Variants in PTPRO observed in about 807,000 individuals in gnomAD.
PTPRO encodes the protein receptor-type tyrosine-protein phosphatase O.
In PTPRO, 62 loss-of-function variants were observed where a neutral mutation model predicts 145.2. The ratio of observed to expected loss-of-function variants is 0.43; its 90% CI spans 0.35 to 0.53. The LOEUF (loss-of-function observed/expected upper bound fraction) is 0.53. Among genes scored for constraint, PTPRO ranks in the 20% least tolerant of loss-of-function variants. The pLI is 0.01. For synonymous variants in PTPRO, 565 were observed against 514.7 expected (o/e 1.10, Z -1.32); for missense variants, 1,345 against 1,482.7 (o/e 0.91, Z 1.53).
At chr12:15,464,731 T>G (rs983641288) in intron 1 of PTPRO, among the ~76,000 whole-genome samples, 2 of 152,044 alleles carry the variant, frequency 1.3e-5, no homozygotes, top group Non-Finnish European at 2.9e-5. Flanking sequence ...TTGTAACCTG[T>G]GTGGATTATT....
rs144034258 is a variant in PTPRO at position 15,563,137 on chromosome 12, G to A, written c.2712-2456G>A. Among the ~76,000 whole-genome samples the A allele has an allele frequency of 6.5e-3, 990 of 152,168 alleles. 14 individuals are homozygous for A. Among genetic ancestry groups the A allele is most frequent in the Non-Finnish European group, 8.8e-3 (598 of 67,984 alleles). On this transcript the variant is annotated intron_variant, in intron 17 of 26. Coordinates refer to ENST00000281171, the MANE Select transcript of PTPRO (RefSeq NM_030667.3). Reference sequence around the variant, plus strand: ...GCAGAATGTATCTTAACTTTTTGAAGTCATTAGGATTTTGAACCTTACCTA... The same window carrying A: ...GCAGAATGTATCTTAACTTTTTGAAATCATTAGGATTTTGAACCTTACCTA...
intron 1 of PTPRO, among the ~76,000 whole-genome samples, chr12:15,361,630 T>C (rs1300156543): frequency 6.6e-6 from 1 of 152,128 alleles, no homozygotes; most frequent in Non-Finnish European, 1.5e-5. Flanking sequence ...ACCAAGTGCT[T>C]ACTACATTCA....
chr12:15,329,051 C>T (rs780392546), intron 1 of PTPRO, among the ~76,000 whole-genome samples: 6 of 152,074 alleles, frequency 3.9e-5, no homozygotes, highest in Non-Finnish European at 7.3e-5. Flanking sequence ...TTTTATTTTC[C>T]TCTTTCTGCC....
At chr12:15,433,262 G>C (rs1248636337) in intron 1 of PTPRO, among the ~76,000 whole-genome samples, 1 of 147,112 alleles carries the variant, frequency 6.8e-6, no homozygotes, top group South Asian at 2.2e-4. Context: ...TGCAACCTCT[G>C]CCTCCTGGGT....
intron 1 of PTPRO, among the ~76,000 whole-genome samples, chr12:15,361,164 G>T (rs1254532732): frequency 3.3e-5 from 5 of 151,600 alleles, no homozygotes; most frequent in Non-Finnish European, 7.4e-5. Flanking sequence ...TGGGTCGGGC[G>T]TGGTGGCTCA....
chr12:15,439,981 G>A (rs1047991548), intron 1 of PTPRO: 21 of 684,806 alleles, frequency 3.1e-5, no homozygotes, highest in Non-Finnish European at 5.3e-5. Context: ...CCATCTGCGG[G>A]GCCATCATCC....
chr12:15,518,193 T>C (rs920955173), intron 9 of PTPRO, among the ~76,000 whole-genome samples: 5 of 151,954 alleles, frequency 3.3e-5, no homozygotes, highest in African/African-American at 1.2e-4. Context: ...CTGCCAAGCC[T>C]TGGGGCTTGC....
Position 15,586,190 on chromosome 12 carries a change from A to G in PTPRO, c.3256-707A>G, listed in dbSNP as rs114115589. Reference sequence around the variant, plus strand: ...CAAAGCCCAAGACAAGGATTCTCATATAAGTGATTTTGTGAAAGTGCATTC... The same window carrying G: ...CAAAGCCCAAGACAAGGATTCTCATGTAAGTGATTTTGTGAAAGTGCATTC... On this transcript the variant is annotated intron_variant, in intron 23 of 26. Coordinates refer to ENST00000281171, the MANE Select transcript of PTPRO (RefSeq NM_030667.3). Among the ~76,000 whole-genome samples, 377 of 152,320 alleles carry G rather than the reference A, an allele frequency of 2.5e-3. 2 individuals carry two copies. The highest frequency in any genetic ancestry group is 8.8e-3 in the African/African-American group (365 of 41,560).
At chr12:15,386,912 C>T (rs1250879416) in intron 1 of PTPRO, among the ~76,000 whole-genome samples, 1 of 152,210 alleles carries the variant, frequency 6.6e-6, no homozygotes, top group East Asian at 1.9e-4. Flanking sequence ...AAACTGCTTG[C>T]AGAAATAGCT....
chr12:15,572,811 G>T (rs913531766), intron 19 of PTPRO, among the ~76,000 whole-genome samples: 1 of 152,114 alleles, frequency 6.6e-6, no homozygotes, highest in African/African-American at 2.4e-5. Context: ...ACAAGTACCA[G>T]TCAGCCCCCA....
intron 1 of PTPRO, among the ~76,000 whole-genome samples, chr12:15,337,092 A>G (rs148608850): frequency 1.1e-3 from 161 of 152,328 alleles, no homozygotes; most frequent in African/African-American, 3.1e-3. Context: ...GAGCTTGGAC[A>G]GTGTCCTCAA....
At position 15,484,035 on chromosome 12, in the gene PTPRO, C is replaced by T. The variant is rs147080515; in HGVS notation, c.137C>T (p.Ala46Val). The change falls in exon 2 of 27, where the codon GCT becomes GTT. Residue 46 changes from alanine to valine, a missense_variant. Ala to Val is a moderately conservative substitution (Grantham distance 64). Coordinates refer to ENST00000281171, the MANE Select transcript of PTPRO (RefSeq NM_030667.3). ...DDNNIVVSLE[A>V]SDVISPASVY... ...AATAACATCGTTGTCTCATTAGAAGCTTCAGACGTCATCAGTCCAGCATCT... is the reference window on the plus strand; with the variant it reads ...AATAACATCGTTGTCTCATTAGAAGTTTCAGACGTCATCAGTCCAGCATCT... 1 of 1,613,528 alleles carries T rather than the reference C, an allele frequency of 6.2e-7. No individual in the cohort carries two copies. Among genetic ancestry groups the T allele is most frequent in the African/African-American group, 1.3e-5 (1 of 74,898 alleles).
chr12:15,361,418 G>A (rs544837528), intron 1 of PTPRO, among the ~76,000 whole-genome samples: 88 of 130,104 alleles, frequency 6.8e-4, no homozygotes, highest in South Asian at 1.4e-3. Context: ...CAGCCTGGGC[G>A]ACAGAGTGAG....
intron 1 of PTPRO, among the ~76,000 whole-genome samples, chr12:15,392,684 G>T (rs1939221104): frequency 7.4e-6 from 1 of 134,280 alleles, no homozygotes; most frequent in Non-Finnish European, 1.5e-5. Flanking sequence ...TGGAGCCACT[G>T]CACTCCAGCT....
intron 17 of PTPRO, among the ~76,000 whole-genome samples, chr12:15,564,886 A>T: frequency 6.6e-6 from 1 of 152,228 alleles, no homozygotes; most frequent in Non-Finnish European, 1.5e-5. Context: ...TAGCTAACTT[A>T]GGTAAGTTAT....
chr12:15,342,474 T>C (rs1867032953), intron 1 of PTPRO, among the ~76,000 whole-genome samples: 1 of 152,230 alleles, frequency 6.6e-6, no homozygotes, highest in African/African-American at 2.4e-5. Context: ...AATACTGTGC[T>C]AATCATTCAG....
At chr12:15,346,526 A>G (rs1280719256) in intron 1 of PTPRO, 1 of 152,156 alleles carries the variant, frequency 6.6e-6, no homozygotes, top group Non-Finnish European at 1.5e-5. Context: ...GCTCTGCACA[A>G]TCCAACATAA....
chr12:15,570,165 G>A (rs2135608665), intron 19 of PTPRO, among the ~76,000 whole-genome samples: 1 of 152,204 alleles, frequency 6.6e-6, no homozygotes, highest in East Asian at 1.9e-4. Flanking sequence ...CAGCAGTGTG[G>A]GGGAAGATAA....
intron 1 of PTPRO, among the ~76,000 whole-genome samples, chr12:15,399,598 C>T (rs573855174): frequency 3.9e-5 from 6 of 152,194 alleles, no homozygotes; most frequent in South Asian, 2.1e-4. Context: ...GACATATAAT[C>T]GTTAATTAAT....
Sources: allele counts gnomAD v4.1 joint callset (sites outside exome capture counted in the v4.1 genomes callset), GRCh38; gene constraint gnomAD v4.1.1; transcripts MANE v1.5; gene names NCBI Gene and HGNC (gene_info 2026-07-23, HGNC 2026-07-21).